Variants in C1orf210 observed in about 807,000 individuals in gnomAD.
C1orf210 encodes the protein chromosome 1 open reading frame 210.
A neutral mutation model predicts 3.7 loss-of-function variants in C1orf210; 3 were observed. The ratio of observed to expected loss-of-function variants is 0.81; its 90% CI spans 0.37 to 2.08. C1orf210 has a LOEUF of 2.08. C1orf210 is among the 30% of genes most tolerant of loss of function. The probability of loss-of-function intolerance (pLI) is 0.06; values close to 1 mark genes in which losing one functional copy is unlikely to be tolerated. For missense variants in C1orf210, 143 were observed against 147.7 expected (o/e 0.97, Z 0.17); for synonymous variants, 62 against 61.7 (o/e 1.00, Z -0.02).
chr1:43,283,022 T>C lies in C1orf210; in HGVS notation c.105A>G (p.Val35=). The C allele has an allele frequency of 1.9e-6, 3 of 1,613,932 alleles. No homozygotes were observed. The East Asian group carries it at 6.7e-5, about 36-fold the overall frequency. The part of the protein sequence containing the change: ...GTGARAWPVL[V]GFVLGAVVLS... ...GGACCACAGCCCCCAGCACAAATCC[T>C]ACCAGCACAGGCCATGCCCGAGCCC... The change falls in exon 3 of 3, where the codon GTA becomes GTG. Residue 35 remains valine, a synonymous_variant. Transcript: ENST00000523677.
rs1305568099 is a variant in C1orf210, at chr1:43,282,220, T to A, written c.*565A>T. 6.7e-6 allele frequency: 1 copy of A among 149,712 alleles called. No individual in the cohort carries two copies. Among genetic ancestry groups the A allele is most frequent in the African/African-American group, 2.5e-5 (1 of 40,368 alleles). 9.3% of individuals were successfully genotyped at this position (149,712 alleles called of 1,614,324 possible). ...GCGGAGGTTGCAGTGAGCCAAGATG[T>A]GCCATTGCACTCCAGCCTGGGCAAC... On this transcript the variant is annotated 3_prime_UTR_variant, in exon 3 of 3. Coordinates refer to ENST00000523677, the MANE Select transcript of C1orf210 (RefSeq NM_182517.3).
In C1orf210 at chr1:43,282,769, G is replaced by T. The variant is rs1294751896; in HGVS notation, c.*16C>A. 2 of 1,567,418 alleles carry T rather than the reference G, an allele frequency of 1.3e-6. No homozygotes were observed. Among genetic ancestry groups the T allele is most frequent in the Admixed American group, 1.7e-5 (1 of 58,124 alleles). ...GTCAGGCATGGAGGGAGTGGGGAGG[G>T]TCTAAAGATGGGAGCTCAGAGGGAG... On this transcript the variant is annotated 3_prime_UTR_variant, in exon 3 of 3. Transcript: ENST00000523677.
In C1orf210 at chr1:43,282,800, G is replaced by A; in HGVS notation, c.327C>T (p.Asp109=). Reference sequence around the variant, plus strand: ...AGATGGGAGCTCAGAGGGAGAAGTGGTCCCTGCTACCCTCTGTCCCCAGCT... The same window carrying A: ...AGATGGGAGCTCAGAGGGAGAAGTGATCCCTGCTACCCTCTGTCCCCAGCT... The part of the protein sequence containing the change: ...TGELGTEGSR[D]HFSL Residue 109 remains aspartate (D), a synonymous_variant, in exon 3 of 3, where the codon GAC becomes GAT. Transcript: ENST00000523677. 1 of 1,596,920 alleles carries A rather than the reference G, an allele frequency of 6.3e-7. No homozygotes were observed.
Position 43,282,579 on chromosome 1 carries a change from C to G in C1orf210, c.*206G>C, listed in dbSNP as rs1646553179. On this transcript the variant is annotated 3_prime_UTR_variant, in exon 3 of 3. Transcript: ENST00000523677. ...CCTTTGTTTGGCTTTATCCTGAGAA[C>G]AGCAGGGAACAGTTGAGAGTTATTG... 3.0e-5 allele frequency: 17 copies of G among 572,094 alleles called. No homozygotes were observed. The South Asian group carries it at 4.1e-4, about 14-fold the overall frequency. 35.4% of individuals were successfully genotyped at this position (572,094 alleles called of 1,614,324 possible).
At position 43,282,757 on chromosome 1, in the gene C1orf210, G is replaced by A. The variant is rs1646554273; in HGVS notation, c.*28C>T. Reference sequence around the variant, plus strand: ...TGTCCTTAAGCTGTCAGGCATGGAGGGAGTGGGGAGGGTCTAAAGATGGGA... The same window carrying A: ...TGTCCTTAAGCTGTCAGGCATGGAGAGAGTGGGGAGGGTCTAAAGATGGGA... On this transcript the variant is annotated 3_prime_UTR_variant, in exon 3 of 3. Coordinates refer to ENST00000523677, the MANE Select transcript of C1orf210 (RefSeq NM_182517.3). 13 of 1,540,516 alleles carry A rather than the reference G, an allele frequency of 8.4e-6. No individual in the cohort carries two copies. The highest frequency in any genetic ancestry group is 2.5e-5 in the South Asian group (2 of 81,218).
chr1:43,281,945 C>A lies in C1orf210; in HGVS notation c.*840G>T, dbSNP rs909358107. ...TGAAAAACATATTATAACCGGATTA[C>A]CCACTTTATTTATAGGAAAATATTT... is the stretch of plus-strand genomic sequence containing the variant. On this transcript the variant is annotated 3_prime_UTR_variant, in exon 3 of 3. Transcript: ENST00000523677. 3.3e-5 allele frequency: 5 copies of A among 151,990 alleles called. No individual in the cohort carries two copies. Among genetic ancestry groups the A allele is most frequent in the African/African-American group, 1.2e-4 (5 of 41,372 alleles). 9.4% of individuals were successfully genotyped at this position (151,990 alleles called of 1,614,324 possible). A position where few individuals can be genotyped will look rare whatever the true frequency, so the allele number is the denominator to read the frequency against.
Position 43,282,818 on chromosome 1 carries a change from C to G in C1orf210, c.309G>C (p.Gly103=). The change falls in exon 3 of 3, where the codon GGG becomes GGC. Residue 103 remains glycine (G), a synonymous_variant. Transcript: ENST00000523677. Reference sequence around the variant, plus strand: ...AGAAGTGGTCCCTGCTACCCTCTGTCCCCAGCTCGCCAGTCCCAGGCTGAA... The same window carrying G: ...AGAAGTGGTCCCTGCTACCCTCTGTGCCCAGCTCGCCAGTCCCAGGCTGAA... ...NYIQPGTGEL[G]TEGSRDHFSL is the part of the protein sequence containing the mutation. 2 of 1,609,928 alleles carry G rather than the reference C, an allele frequency of 1.2e-6. No homozygotes were observed. The highest frequency in any genetic ancestry group is 1.7e-6 in the Non-Finnish European group (2 of 1,177,476).
rs756885653 is a variant in C1orf210, at chr1:43,283,075, A to ACG, written c.50_51dup (p.Ser18ArgfsTer19). On this transcript the variant is annotated frameshift_variant, in exon 3 of 3. Transcript: ENST00000523677. LOFTEE classifies it high-confidence loss of function. ...GTGCCTGGGCCAGGGGCCACAGCAGACGCTGTGGGGAGCTCCGAAGGCCCA... is the reference window on the plus strand; with the variant it reads ...GTGCCTGGGCCAGGGGCCACAGCAGACGCGCTGTGGGGAGCTCCGAAGGCCCA... 7.4e-6 allele frequency: 12 copies of ACG among 1,613,938 alleles called. No individual in the cohort carries two copies. Among genetic ancestry groups the ACG allele is most frequent in the Non-Finnish European group, 8.5e-7 (1 of 1,179,856 alleles).
chr1:43,285,683 G>C (rs1646575766), upstream of C1orf210: 1 of 152,522 alleles, frequency 6.6e-6, no homozygotes, highest in African/African-American at 2.4e-5. Flanking sequence ...CTGCAGGTCT[G>C]GCAGAGGGCG....
At chr1:43,283,450 GCAC>G in intron 1 of C1orf210, 82 bp from the exon 2 acceptor site, 3 of 741,656 alleles carry the variant, frequency 4.0e-6, no homozygotes, top group Admixed American at 3.0e-5. Context: ...TGGTAGCCCT[GCAC>G]AAACTCTGGG....
intron 1 of C1orf210, among the ~76,000 whole-genome samples, chr1:43,285,158 T>A (rs1646572293): frequency 6.6e-6 from 1 of 152,152 alleles, no homozygotes; most frequent in Non-Finnish European, 1.5e-5. Flanking sequence ...GTGGGCCTCA[T>A]CCTAGTACTA....
Position 43,282,627 on chromosome 1 carries a change from T to A in C1orf210, c.*158A>T. 1.5e-6 allele frequency: 1 copy of A among 654,224 alleles called. No homozygotes were observed. The highest frequency in any genetic ancestry group is 3.0e-5 in the Admixed American group (1 of 33,264). The allele number at this position is 654,224 out of a possible 1,614,324, so 40.5% of individuals were successfully genotyped here. ...TTGAGCAAGAGAGGGTCATTGTCAC[T>A]TTGCTGGCTAGTGTCAGGGAAGTGG... On this transcript the variant is annotated 3_prime_UTR_variant, in exon 3 of 3. Transcript: ENST00000523677.
intron 1 of C1orf210, among the ~76,000 whole-genome samples, chr1:43,283,944 G>T (rs557045169): frequency 6.6e-6 from 1 of 152,186 alleles, no homozygotes; most frequent in East Asian, 1.9e-4. Context: ...GCCCTTCTAA[G>T]TTGAAAGCCG....
rs1321807654 is a variant in C1orf210, at chr1:43,282,122, G to T, written c.*663C>A. On this transcript the variant is annotated 3_prime_UTR_variant, in exon 3 of 3. Transcript: ENST00000523677. Reference sequence around the variant, plus strand: ...TCTACTAAAAATATAAAAATTAGCTGGGCGTGGTGGCGGATGCCTGTAATC... The same window carrying T: ...TCTACTAAAAATATAAAAATTAGCTTGGCGTGGTGGCGGATGCCTGTAATC... 1 of 152,108 alleles carries T rather than the reference G, an allele frequency of 6.6e-6. No homozygotes were observed. Among genetic ancestry groups the T allele is most frequent in the East Asian group, 1.9e-4 (1 of 5,146 alleles). 9.4% of individuals were successfully genotyped at this position (152,108 alleles called of 1,614,324 possible). A position where few individuals can be genotyped will look rare whatever the true frequency, so the allele number is the denominator to read the frequency against.
In C1orf210 at chr1:43,284,206, G is replaced by A. The variant is rs72637947; in HGVS notation, c.-98-838C>T. 2.0e-4 allele frequency among the ~76,000 whole-genome samples: 30 copies of A among 152,274 alleles called. No homozygotes were observed. The East Asian group carries it at 4.8e-3, about 24-fold the overall frequency. On this transcript the variant is annotated intron_variant, in intron 1 of 2. Transcript: ENST00000523677. The stretch of plus-strand genomic sequence containing the variant: ...TAGGAGGAGCACCTGGATCAAAGGA[G>A]TGTCTGGAGGAGGCGCACCTGAATC...
Position 43,283,087 on chromosome 1 carries a change from G to A in C1orf210, c.40C>T (p.Leu14Phe). ...GGGGCCACAGCAGACGCTGTGGGGA[G>A]CTCCGAAGGCCCAACAAGTGCTGCA... Reference protein sequence around the residue: ...TNKTLVGPSELPTASAVAPGP... With the variant: ...TNKTLVGPSEFPTASAVAPGP... Residue 14 changes from leucine (L) to phenylalanine (F), a missense_variant, in exon 3 of 3, where the codon CTC becomes TTC. Coordinates refer to ENST00000523677, the MANE Select transcript of C1orf210 (RefSeq NM_182517.3). 1 of 1,613,334 alleles carries A rather than the reference G, an allele frequency of 6.2e-7. No individual in the cohort carries two copies. Among genetic ancestry groups the A allele is most frequent in the Non-Finnish European group, 8.5e-7 (1 of 1,179,556 alleles).
At chr1:43,283,138 G>A in intron 2 of C1orf210, 31 bp from the exon 3 acceptor site, 1 of 1,601,036 alleles carries the variant, frequency 6.2e-7, no homozygotes. Flanking sequence ...TTATAGGTGG[G>A]CCCCAGAGGG....
chr1:43,284,467 A>G (rs928392582), intron 1 of C1orf210, among the ~76,000 whole-genome samples: 3 of 151,948 alleles, frequency 2.0e-5, no homozygotes, highest in South Asian at 2.1e-4. Flanking sequence ...ATCAATCCCC[A>G]TCATGTCTTC....
chr1:43,284,110 GAC>G (rs1646564344), intron 1 of C1orf210, among the ~76,000 whole-genome samples: 1 of 152,196 alleles, frequency 6.6e-6, no homozygotes, highest in Non-Finnish European at 1.5e-5. Flanking sequence ...CAGGGCTGGG[GAC>G]ACCTAGAGGA....
Sources: allele counts gnomAD v4.1 joint callset (sites outside exome capture counted in the v4.1 genomes callset), GRCh38; gene constraint gnomAD v4.1.1; transcripts MANE v1.5; gene names NCBI Gene and HGNC (gene_info 2026-07-23, HGNC 2026-07-21).